RORA: variants seen among roughly 807,000 people sequenced by gnomAD.
RORA encodes the protein RAR related orphan receptor A.
A neutral mutation model predicts 69.5 loss-of-function variants in RORA; 7 were observed. The ratio of observed to expected loss-of-function variants is 0.10; its 90% CI spans 0.06 to 0.19. RORA has a LOEUF of 0.19. Ranked by LOEUF, RORA falls within the 10% of genes least tolerant of loss-of-function variation. The pLI is 1.00. For synonymous variants in RORA, 261 were observed against 240.8 expected (o/e 1.08, Z -0.78); for missense variants, 457 against 663.0 (o/e 0.69, Z 3.41).
chr15:60,657,969 C>G (rs2070247205), intron 2 of RORA, among the ~76,000 whole-genome samples: 1 of 152,194 alleles, frequency 6.6e-6, no homozygotes, highest in African/African-American at 2.4e-5. Flanking sequence ...GCCTCTCCAT[C>G]CAAAATATTT....
intron 1 of RORA, among the ~76,000 whole-genome samples, chr15:61,094,700 C>A (rs1207250006): frequency 1.3e-5 from 2 of 152,192 alleles, no homozygotes; most frequent in African/African-American, 2.4e-5. Context: ...TTATTTGAGC[C>A]ACTACTGGGT....
intron 1 of RORA, among the ~76,000 whole-genome samples, chr15:61,148,388 A>G (rs933977092): frequency 1.8e-4 from 28 of 152,290 alleles, no homozygotes; most frequent in African/African-American, 6.7e-4. Context: ...TTCTGCCTGT[A>G]GTTTCACTCT....
chr15:61,095,179 T>A (rs1048027682), intron 1 of RORA, among the ~76,000 whole-genome samples: 1 of 152,094 alleles, frequency 6.6e-6, no homozygotes, highest in Non-Finnish European at 1.5e-5. Flanking sequence ...TTTTTTGGTG[T>A]TCTGGAGGCT....
chr15:61,132,861 T>C (rs551072161), intron 1 of RORA, among the ~76,000 whole-genome samples: 1 of 152,342 alleles, frequency 6.6e-6, no homozygotes, highest in East Asian at 1.9e-4. Context: ...AAATGTATGC[T>C]GTTTTCACTG....
At chr15:60,883,557 T>C (rs1164760030) in intron 1 of RORA, among the ~76,000 whole-genome samples, 2 of 152,212 alleles carry the variant, frequency 1.3e-5, no homozygotes, top group African/African-American at 4.8e-5. Context: ...TCTGCATCCC[T>C]GGTATCCAAA....
At chr15:60,963,112 T>C (rs1893459663) in intron 1 of RORA, among the ~76,000 whole-genome samples, 1 of 152,222 alleles carries the variant, frequency 6.6e-6, no homozygotes, top group African/African-American at 2.4e-5. Context: ...GCATGGTACA[T>C]AGCGTAATTC....
chr15:61,079,009 T>C (rs1884193174), intron 1 of RORA, among the ~76,000 whole-genome samples: 1 of 152,094 alleles, frequency 6.6e-6, no homozygotes, highest in Non-Finnish European at 1.5e-5. Flanking sequence ...CCACAAGTGG[T>C]AGGTACAAGT....
At chr15:61,139,524 G>C (rs1221218114) in intron 1 of RORA, among the ~76,000 whole-genome samples, 1 of 152,236 alleles carries the variant, frequency 6.6e-6, no homozygotes, top group Non-Finnish European at 1.5e-5. Flanking sequence ...TTTTGGATTT[G>C]CAGGTGAGAA....
intron 1 of RORA, among the ~76,000 whole-genome samples, chr15:61,104,541 T>C (rs1724529493): frequency 1.3e-5 from 2 of 152,166 alleles, no homozygotes; most frequent in South Asian, 4.1e-4. Context: ...TACAAACACC[T>C]TACTGGATAA....
intron 1 of RORA, among the ~76,000 whole-genome samples, chr15:60,926,420 C>T (rs1407615757): frequency 1.3e-5 from 2 of 152,254 alleles, no homozygotes; most frequent in Non-Finnish European, 2.9e-5. Flanking sequence ...GACCGAGTCA[C>T]TGGGTAGATT....
At chr15:61,175,542 A>AAAT (rs72087612) in intron 1 of RORA, among the ~76,000 whole-genome samples, 712 of 41,880 alleles carry the variant, frequency 0.017, 19 homozygotes, top group African/African-American at 0.04. Context: ...TCCTGTTTCT[A>AAAT]AAAAAAAAAA....
At chr15:60,975,500 A>G (rs543882587) in intron 1 of RORA, among the ~76,000 whole-genome samples, 23 of 152,068 alleles carry the variant, frequency 1.5e-4, no homozygotes, top group Non-Finnish European at 3.1e-4. Context: ...AAAAAACAGT[A>G]AGAAAATTGG....
chr15:60,736,178 T>C (rs562555637), intron 1 of RORA, among the ~76,000 whole-genome samples: 139 of 152,176 alleles, frequency 9.1e-4, no homozygotes, highest in African/African-American at 3.1e-3. Flanking sequence ...CCAGATTCAG[T>C]CTTCTCCTTT....
intron 2 of RORA, among the ~76,000 whole-genome samples, chr15:60,601,265 C>T (rs2068802371): frequency 6.6e-6 from 1 of 152,174 alleles, no homozygotes; most frequent in South Asian, 2.1e-4. Context: ...GCAAGGTTAG[C>T]ATGTGTCATT....
At chr15:60,853,536 C>G (rs1595767496) in intron 1 of RORA, among the ~76,000 whole-genome samples, 1 of 152,272 alleles carries the variant, frequency 6.6e-6, no homozygotes, top group East Asian at 1.9e-4. Flanking sequence ...CCACTGCCAA[C>G]AAGAAGACAT....
intron 1 of RORA, among the ~76,000 whole-genome samples, chr15:60,889,269 CA>C (rs1485945842): frequency 6.7e-6 from 1 of 149,398 alleles, no homozygotes; most frequent in Non-Finnish European, 1.5e-5. Flanking sequence ...AGTGCTTGTG[CA>C]GGGACTGACA....
intron 1 of RORA, among the ~76,000 whole-genome samples, chr15:60,723,502 T>C (rs2071319244): frequency 2.6e-5 from 4 of 152,138 alleles, no homozygotes. Context: ...GAAACTAAGT[T>C]AAACTAGTTG....
At chr15:60,551,193 T>C (rs1043212125) in intron 2 of RORA, among the ~76,000 whole-genome samples, 1 of 152,162 alleles carries the variant, frequency 6.6e-6, no homozygotes, top group Non-Finnish European at 1.5e-5. Flanking sequence ...TGAAAATTAC[T>C]GGTGAGAGTG....
intron 2 of RORA, among the ~76,000 whole-genome samples, chr15:60,649,482 C>A (rs564399359): frequency 1.1e-4 from 17 of 152,122 alleles, no homozygotes; most frequent in Non-Finnish European, 2.4e-4. Context: ...TGCATGTCAG[C>A]CCTGACACGC....
Sources: allele counts gnomAD v4.1 joint callset (sites outside exome capture counted in the v4.1 genomes callset), GRCh38; gene constraint gnomAD v4.1.1; transcripts MANE v1.5; gene names NCBI Gene and HGNC (gene_info 2026-07-23, HGNC 2026-07-21).